Variants in PLXNA4 observed in about 807,000 individuals in gnomAD.
PLXNA4 encodes plexin-A4.
In PLXNA4, 44 loss-of-function variants were observed where a neutral mutation model predicts 191.8. The observed-to-expected ratio is 0.23, with a 90% confidence interval of 0.18 to 0.29. The LOEUF is 0.29. Among genes scored for constraint, PLXNA4 ranks in the 10% least tolerant of loss-of-function variants. PLXNA4 has a pLI of 1.00. For missense variants in PLXNA4, 1,800 were observed against 2,488.8 expected (o/e 0.72, Z 5.89); for synonymous variants, 1,082 against 1,009.5 (o/e 1.07, Z -1.36).
chr7:132,139,043 G>C (rs576802711), intron 30 of PLXNA4, among the ~76,000 whole-genome samples: 1 of 152,324 alleles, frequency 6.6e-6, no homozygotes, highest in African/African-American at 2.4e-5. Flanking sequence ...GCCTGCTCCT[G>C]GCAGCTCTAT....
intron 30 of PLXNA4, among the ~76,000 whole-genome samples, chr7:132,138,979 T>C (rs11978284): frequency 0.095 from 14,491 of 152,324 alleles, 1,004 homozygotes; most frequent in Admixed American, 0.22. Context: ...AGCTGCTGCC[T>C]CTTCCCCCTC....
chr7:132,321,680 G>A (rs933362602), intron 3 of PLXNA4, among the ~76,000 whole-genome samples: 2 of 152,194 alleles, frequency 1.3e-5, no homozygotes, highest in African/African-American at 2.4e-5. Flanking sequence ...CGGGGGACAC[G>A]TGGACACATG....
chr7:132,570,478 T>C lies in PLXNA4; in HGVS notation c.-87+5944A>G, dbSNP rs1108117. ...AGGAATGATTGGTTCACCTTCTAGT[T>C]TGAGCCTCCACACTACCAAAAGGGA... On this transcript the variant is annotated intron_variant, in intron 1 of 31. Transcript: ENST00000321063. Among the ~76,000 whole-genome samples the C allele has an allele frequency of 2.9e-3, 445 of 152,316 alleles. 6 individuals are homozygous for C. The South Asian group carries it at 0.034, about 12-fold the overall frequency.
intron 20 of PLXNA4, among the ~76,000 whole-genome samples, chr7:132,178,600 A>G (rs992004708): frequency 2.0e-5 from 3 of 152,218 alleles, no homozygotes; most frequent in African/African-American, 4.8e-5. Flanking sequence ...ACACAGGCAT[A>G]GGGACTATAG....
chr7:132,244,090 G>A (rs1798968681), intron 4 of PLXNA4, among the ~76,000 whole-genome samples: 1 of 152,176 alleles, frequency 6.6e-6, no homozygotes. Context: ...GGGTCCATGT[G>A]AGACAGGGAC....
intron 3 of PLXNA4, among the ~76,000 whole-genome samples, chr7:132,351,875 G>GA (rs1563051829): frequency 6.6e-6 from 1 of 152,110 alleles, no homozygotes; most frequent in Non-Finnish European, 1.5e-5. Flanking sequence ...GACAAAGAAA[G>GA]AAAAGAAGAA....
intron 1 of PLXNA4, among the ~76,000 whole-genome samples, chr7:132,564,815 A>G (rs376420349): frequency 3.6e-4 from 55 of 152,216 alleles, no homozygotes; most frequent in East Asian, 1.4e-3. Flanking sequence ...GCAGTCCCCA[A>G]TTGAACCTAC....
At chr7:132,393,308 C>G (rs979907503) in intron 3 of PLXNA4, among the ~76,000 whole-genome samples, 4 of 146,438 alleles carry the variant, frequency 2.7e-5, no homozygotes, top group African/African-American at 1.0e-4. Context: ...CAGACTGTGT[C>G]TCTCATCTGA....
At chr7:132,378,439 TC>T (rs1391015662) in intron 3 of PLXNA4, among the ~76,000 whole-genome samples, 3 of 152,142 alleles carry the variant, frequency 2.0e-5, no homozygotes, top group Admixed American at 1.3e-4. Flanking sequence ...TAGGCAACAA[TC>T]CCTAGAGATT....
At chr7:132,429,676 T>C (rs1053506223) in intron 3 of PLXNA4, among the ~76,000 whole-genome samples, 5 of 152,244 alleles carry the variant, frequency 3.3e-5, no homozygotes, top group African/African-American at 1.2e-4. Context: ...ATCCAGTCCA[T>C]GGGTTGGAGT....
chr7:132,220,094 T>A (rs1798094997), intron 9 of PLXNA4, among the ~76,000 whole-genome samples: 1 of 152,270 alleles, frequency 6.6e-6, no homozygotes, highest in South Asian at 2.1e-4. Flanking sequence ...TGTAAAAATA[T>A]AGCAAGCAAA....
intron 2 of PLXNA4, among the ~76,000 whole-genome samples, chr7:132,645,348 C>T (rs7803538): frequency 0.66 from 100,111 of 151,926 alleles, 33,414 homozygotes; most frequent in East Asian, 0.72. Flanking sequence ...TCTTATGAGA[C>T]TTGATGGTTT....
intron 2 of PLXNA4, among the ~76,000 whole-genome samples, chr7:132,637,908 TA>T (rs1803640537): frequency 6.6e-6 from 1 of 152,196 alleles, no homozygotes; most frequent in African/African-American, 2.4e-5. Flanking sequence ...CTCCCCACTA[TA>T]AAGTTTTCTT....
intron 10 of PLXNA4, among the ~76,000 whole-genome samples, chr7:132,210,292 G>A (rs953072590): frequency 1.3e-4 from 20 of 152,202 alleles, no homozygotes. Context: ...ACACAGGTGG[G>A]GTTCACTGTG....
intron 1 of PLXNA4, among the ~76,000 whole-genome samples, chr7:132,547,318 G>T (rs1173577470): frequency 6.6e-6 from 1 of 152,142 alleles, no homozygotes; most frequent in Non-Finnish European, 1.5e-5. Context: ...CTACAAACTG[G>T]TGGGATGTGA....
intron 1 of PLXNA4, among the ~76,000 whole-genome samples, chr7:132,562,124 C>T (rs1211358350): frequency 1.7e-5 from 2 of 121,110 alleles, no homozygotes; most frequent in African/African-American, 7.2e-5. Flanking sequence ...TCTCCTTCTC[C>T]TCCTCCTTCT....
At position 132,508,649 on chromosome 7, in the gene PLXNA4, G is replaced by A. The variant is rs1798585005; in HGVS notation, c.45C>T (p.Leu15=). The part of the protein sequence containing the change: ...PWNWTCLLSH[L]LMVGMGSSTL... Reference sequence around the variant, plus strand: ...TGGAGGAGCCCATGCCCACCATGAGGAGGTGGGAGAGAAGGCAGGTCCAGT... The same window carrying A: ...TGGAGGAGCCCATGCCCACCATGAGAAGGTGGGAGAGAAGGCAGGTCCAGT... The change falls in exon 2 of 32, where the codon CTC becomes CTT. Residue 15 remains leucine, a synonymous_variant. Transcript: ENST00000321063. This position sits in a 1 kb window ranked among gnomAD's most constrained non-coding sequence, Gnocchi z 4.4. 4 of 1,581,772 alleles carry A rather than the reference G, an allele frequency of 2.5e-6. No homozygotes were observed. The highest frequency in any genetic ancestry group is 1.3e-5 in the African/African-American group (1 of 74,328).
chr7:132,600,008 C>A (rs901073516), intron 2 of PLXNA4, among the ~76,000 whole-genome samples: 6 of 152,112 alleles, frequency 3.9e-5, no homozygotes, highest in Non-Finnish European at 8.8e-5. Context: ...GTTAAACCAT[C>A]CTTGCTCACT....
At chr7:132,301,119 CG>C in intron 3 of PLXNA4, among the ~76,000 whole-genome samples, 1 of 152,056 alleles carries the variant, frequency 6.6e-6, no homozygotes, top group Non-Finnish European at 1.5e-5. Context: ...ACTCTGCCAG[CG>C]AGAAATATGT....
Sources: allele counts gnomAD v4.1 joint callset (sites outside exome capture counted in the v4.1 genomes callset), GRCh38; gene constraint gnomAD v4.1.1; non-coding constraint Gnocchi (gnomAD v3.1); transcripts MANE v1.5; gene names NCBI Gene and HGNC (gene_info 2026-07-23, HGNC 2026-07-21).